KYNU: variants seen among roughly 807,000 people sequenced by gnomAD.
The protein encoded by KYNU is kynureninase.
A neutral mutation model predicts 59.2 loss-of-function variants in KYNU; 54 were observed. The ratio of observed to expected loss-of-function variants is 0.91; its 90% CI spans 0.73 to 1.14. KYNU has a LOEUF of 1.14. Among genes scored for constraint, KYNU ranks in the 50% most tolerant of loss-of-function variants. KYNU has a pLI of 0.00. For missense variants in KYNU, 567 were observed against 554.4 expected (o/e 1.02, Z -0.23); for synonymous variants, 177 against 192.0 (o/e 0.92, Z 0.65).
At chr2:142,972,759 T>C (rs528656743) in intron 8 of KYNU, among the ~76,000 whole-genome samples, 1 of 150,782 alleles carries the variant, frequency 6.6e-6, no homozygotes, top group Non-Finnish European at 1.5e-5. Flanking sequence ...TTGCCATTTA[T>C]AGTCAATTAT....
Position 143,050,013 on chromosome 2 carries a change from TATA to T in KYNU, c.*7845_*7847del, listed in dbSNP as rs1159684938. 1 of 147,950 alleles carries T rather than the reference TATA, an allele frequency of 6.8e-6. No homozygotes were observed. Among genetic ancestry groups the T allele is most frequent in the African/African-American group, 2.4e-5 (1 of 40,822 alleles). 9.2% of individuals were successfully genotyped at this position (147,950 alleles called of 1,614,324 possible). On this transcript the variant is annotated 3_prime_UTR_variant, in exon 14 of 14. Transcript: ENST00000264170. ...TAAGTAGGATTTACCTGAATATATA[TATA>T]ATATATAAACATATATTTATATAAA... is the stretch of plus-strand genomic sequence containing the variant.
At chr2:142,907,011 GC>G (rs1186649114) in intron 2 of KYNU, among the ~76,000 whole-genome samples, 1 of 152,176 alleles carries the variant, frequency 6.6e-6, no homozygotes, top group Non-Finnish European at 1.5e-5. Flanking sequence ...TTTTTAACCA[GC>G]CGACAGGTGC....
chr2:143,041,019 C>G (rs1687027410), intron 13 of KYNU, among the ~76,000 whole-genome samples: 1 of 152,046 alleles, frequency 6.6e-6, no homozygotes, highest in Admixed American at 6.6e-5. Flanking sequence ...AATTAAAGAT[C>G]ATACCAATTT....
rs35512763 is a variant in KYNU at position 143,042,648 on chromosome 2, GTA to G, written c.*494_*495del. 3,150 of 91,238 alleles carry G rather than the reference GTA, an allele frequency of 0.035. 144 individuals carry two copies. The highest frequency in any genetic ancestry group is 0.083 in the African/African-American group (2,144 of 25,958). The allele number at this position is 91,238 out of a possible 1,614,324, so 5.7% of individuals were successfully genotyped here. On this transcript the variant is annotated 3_prime_UTR_variant, in exon 14 of 14. Transcript: ENST00000264170. ...TATATATATGTGTGTGTGTGTGTGT[GTA>G]TATATATATATATATATCATATATA...
rs1001529885 is a variant in KYNU, at chr2:143,010,817, T to A, written c.903-18810T>A. 4.4e-4 allele frequency among the ~76,000 whole-genome samples: 64 copies of A among 144,756 alleles called. 5 individuals are homozygous for A. The highest frequency in any genetic ancestry group is 1.6e-3 in the African/African-American group (61 of 38,260). 95.0% of individuals were successfully genotyped at this position (144,756 alleles called of 152,430 possible). A position where few individuals can be genotyped will look rare whatever the true frequency, so the allele number is the denominator to read the frequency against. ...AGAAAAACAAGCAATGGGGAAAGGATTCCCTATTTAATAAATGGTGCTGGG... is the reference window on the plus strand; with the variant it reads ...AGAAAAACAAGCAATGGGGAAAGGAATCCCTATTTAATAAATGGTGCTGGG... On this transcript the variant is annotated intron_variant, in intron 10 of 13. Transcript: ENST00000264170.
chr2:142,958,606 C>G (rs1012576874), intron 7 of KYNU, among the ~76,000 whole-genome samples: 2 of 152,142 alleles, frequency 1.3e-5, no homozygotes, highest in Admixed American at 1.3e-4. Flanking sequence ...AAAGTTCTCA[C>G]ATGAGAGGAT....
intron 4 of KYNU, chr2:142,947,604 A>G (rs1438787696): frequency 6.0e-6 from 1 of 167,936 alleles, no homozygotes; most frequent in Non-Finnish European, 1.3e-5. Context: ...GTTTTTTTTC[A>G]TCTAAAGATT....
In KYNU at chr2:143,047,493, CCCTTCCTT is replaced by C. The variant is rs760956556; in HGVS notation, c.*5331_*5338del. On this transcript the variant is annotated 3_prime_UTR_variant, in exon 14 of 14. Transcript: ENST00000264170. ...TTTATGCAAATGAGCACATTTTTCT[CCCTTCCTT>C]CCTTCCTTCTTTCCTTGTTCTCTTT... 6.7e-6 allele frequency: 1 copy of C among 150,218 alleles called. No individual in the cohort carries two copies. The highest frequency in any genetic ancestry group is 2.4e-5 in the African/African-American group (1 of 40,852). 9.3% of individuals were successfully genotyped at this position (150,218 alleles called of 1,614,324 possible).
intron 2 of KYNU, among the ~76,000 whole-genome samples, chr2:142,888,104 T>TAGATAGAAATTGG (rs1306612630): frequency 6.6e-6 from 1 of 152,196 alleles, no homozygotes; most frequent in East Asian, 1.9e-4. Context: ...CATTGCTGAT[T>TAGATAGAAATTGG]CTTAAAGATA....
intron 8 of KYNU, among the ~76,000 whole-genome samples, chr2:142,962,824 A>C (rs1035607056): frequency 1.3e-5 from 2 of 152,194 alleles, no homozygotes; most frequent in Non-Finnish European, 2.9e-5. Context: ...CCTATTATCA[A>C]CCAAGGTGAG....
intron 12 of KYNU, among the ~76,000 whole-genome samples, chr2:143,038,401 C>T (rs902729982): frequency 6.6e-6 from 1 of 152,170 alleles, no homozygotes; most frequent in African/African-American, 2.4e-5. Flanking sequence ...TGACCCAAAA[C>T]TTGGCAGTGT....
At chr2:142,958,323 T>G (rs1367506247) in intron 7 of KYNU, among the ~76,000 whole-genome samples, 1 of 152,156 alleles carries the variant, frequency 6.6e-6, no homozygotes, top group Non-Finnish European at 1.5e-5. Context: ...AACAAAAGCA[T>G]GTGTCTAATC....
chr2:142,939,619 A>AAG (rs1683520705), intron 4 of KYNU, among the ~76,000 whole-genome samples: 1 of 150,282 alleles, frequency 6.7e-6, no homozygotes, highest in African/African-American at 2.4e-5. Flanking sequence ...AAAAAAAAAA[A>AAG]AAAGAAAAAA....
At chr2:143,002,320 A>G (rs1685727566) in intron 10 of KYNU, among the ~76,000 whole-genome samples, 2 of 152,122 alleles carry the variant, frequency 1.3e-5, no homozygotes, top group East Asian at 3.9e-4. Flanking sequence ...CATTAATAAA[A>G]CCCCAATGTC....
At chr2:143,012,556 CA>C (rs1686140348) in intron 10 of KYNU, among the ~76,000 whole-genome samples, 1 of 151,200 alleles carries the variant, frequency 6.6e-6, no homozygotes, top group African/African-American at 2.4e-5. Flanking sequence ...TGTCATTTCC[CA>C]TAATATTTTT....
chr2:142,902,863 A>C (rs1682153327), intron 2 of KYNU, among the ~76,000 whole-genome samples: 2 of 152,226 alleles, frequency 1.3e-5, no homozygotes, highest in African/African-American at 2.4e-5. Flanking sequence ...GGGGTAAAAC[A>C]GTCCAGGTGA....
At chr2:142,957,855 T>TATTAGATC in intron 7 of KYNU, 140 bp downstream of exon 7, 1 of 631,190 alleles carries the variant, frequency 1.6e-6, no homozygotes, top group Non-Finnish European at 2.8e-6. Flanking sequence ...CTTCTGTTAC[T>TATTAGATC]ATTAGATCAT....
intron 4 of KYNU, among the ~76,000 whole-genome samples, chr2:142,950,573 G>A (rs1313071249): frequency 2.0e-5 from 3 of 152,108 alleles, no homozygotes; most frequent in Non-Finnish European, 4.4e-5. Context: ...CTATCAGGAG[G>A]ACAGCACAGG....
chr2:142,906,120 C>A (rs1682289845), intron 2 of KYNU, among the ~76,000 whole-genome samples: 2 of 151,998 alleles, frequency 1.3e-5, no homozygotes, highest in Admixed American at 1.3e-4. Context: ...TGTCTCCTCT[C>A]TGTCTCTGTA....
Sources: allele counts gnomAD v4.1 joint callset (sites outside exome capture counted in the v4.1 genomes callset), GRCh38; gene constraint gnomAD v4.1.1; transcripts MANE v1.5; gene names NCBI Gene and HGNC (gene_info 2026-07-23, HGNC 2026-07-21).